Variants in CNTN5 observed in about 807,000 individuals in gnomAD.
The protein encoded by CNTN5 is contactin-5.
In CNTN5, 77 loss-of-function variants were observed where a neutral mutation model predicts 129.1. The observed-to-expected ratio is 0.60, with a 90% CI of 0.50 to 0.72. The LOEUF (loss-of-function observed/expected upper bound fraction) is 0.72, where lower values mean the gene tolerates loss of function less well. CNTN5 is among the 30% of genes least tolerant of loss of function. CNTN5 has a pLI of 0.00. For synonymous variants in CNTN5, 509 were observed against 465.6 expected, an observed-to-expected ratio of 1.09 and a Z score of -1.20; for missense variants, 1,478 against 1,328.8, an observed-to-expected ratio of 1.11 and a Z score of -1.75.
chr11:99,046,331 C>T (rs770758960), intron 1 of CNTN5, among the ~76,000 whole-genome samples: 9 of 151,974 alleles, frequency 5.9e-5, no homozygotes, highest in South Asian at 2.1e-4. Context: ...CACAGCGAGA[C>T]CCAGTCTCAA....
intron 4 of CNTN5, among the ~76,000 whole-genome samples, chr11:99,838,172 C>T (rs1947365100): frequency 6.6e-6 from 1 of 151,972 alleles, no homozygotes; most frequent in South Asian, 2.1e-4. Flanking sequence ...TATCTTCAGA[C>T]AATAATCTGT....
intron 21 of CNTN5, among the ~76,000 whole-genome samples, chr11:100,327,746 G>T (rs1951820112): frequency 6.6e-6 from 1 of 152,106 alleles, no homozygotes; most frequent in South Asian, 2.1e-4. Context: ...CGAATGGATA[G>T]TTGAATTAAC....
intron 6 of CNTN5, among the ~76,000 whole-genome samples, chr11:99,894,520 A>AG (rs1273000395): frequency 6.7e-5 from 10 of 150,348 alleles, no homozygotes; most frequent in Non-Finnish European, 7.4e-5. Flanking sequence ...AGCAGCAAAA[A>AG]AAAAAAAAAC....
chr11:100,056,721 G>A (rs936726689), intron 9 of CNTN5, among the ~76,000 whole-genome samples: 1 of 151,526 alleles, frequency 6.6e-6, no homozygotes. Flanking sequence ...AAATAAAGAG[G>A]ACATAGAGTA....
At chr11:99,453,670 C>T (rs1215817890) in intron 2 of CNTN5, among the ~76,000 whole-genome samples, 1 of 152,130 alleles carries the variant, frequency 6.6e-6, no homozygotes, top group African/African-American at 2.4e-5. Context: ...ATTTTTGCTA[C>T]CCTGAACCTG....
intron 4 of CNTN5, among the ~76,000 whole-genome samples, chr11:99,841,652 AAGG>A (rs1456081218): frequency 1.3e-5 from 2 of 151,690 alleles, no homozygotes; most frequent in African/African-American, 4.8e-5. Context: ...GAGGAGAATG[AAGG>A]AGAAGGAGAA....
chr11:100,314,840 A>T (rs149119647), intron 21 of CNTN5, among the ~76,000 whole-genome samples: 1 of 152,012 alleles, frequency 6.6e-6, no homozygotes, highest in South Asian at 2.1e-4. Context: ...TTCTGACCCT[A>T]AGTTGGCAGT....
intron 2 of CNTN5, among the ~76,000 whole-genome samples, chr11:99,469,771 T>C (rs1326786115): frequency 6.6e-6 from 1 of 152,136 alleles, no homozygotes; most frequent in East Asian, 1.9e-4. Context: ...GATTTGGAGT[T>C]GCACCTAAAT....
chr11:99,203,496 CACTT>C (rs113704525), intron 1 of CNTN5, among the ~76,000 whole-genome samples: 23,576 of 151,886 alleles, frequency 0.16, 2,007 homozygotes, highest in African/African-American at 0.23. Context: ...ATCTGAAAAA[CACTT>C]ACAGTAAATC....
intron 2 of CNTN5, among the ~76,000 whole-genome samples, chr11:99,498,426 T>C (rs1053578438): frequency 5.8e-4 from 89 of 152,262 alleles, no homozygotes; most frequent in African/African-American, 2.1e-3. Flanking sequence ...TTCCAACTAA[T>C]TTTTTTATTC....
At chr11:99,204,534 A>T (rs1474747123) in intron 1 of CNTN5, among the ~76,000 whole-genome samples, 1 of 152,202 alleles carries the variant, frequency 6.6e-6, no homozygotes. Flanking sequence ...TATAGGGAAA[A>T]TGATAACTTT....
At chr11:99,455,249 T>TACAATGAGTG (rs1944454990) in intron 2 of CNTN5, among the ~76,000 whole-genome samples, 1 of 152,128 alleles carries the variant, frequency 6.6e-6, no homozygotes, top group African/African-American at 2.4e-5. Flanking sequence ...ATAAATTAGC[T>TACAATGAGTG]ACAATGAGTG....
chr11:100,114,521 T>A (rs1945773643), intron 13 of CNTN5, among the ~76,000 whole-genome samples: 1 of 152,152 alleles, frequency 6.6e-6, no homozygotes, highest in African/African-American at 2.4e-5. Context: ...ATTTGATAGA[T>A]TATCACATTA....
At chr11:99,221,078 C>G (rs1167524128) in intron 1 of CNTN5, among the ~76,000 whole-genome samples, 4 of 151,798 alleles carry the variant, frequency 2.6e-5, no homozygotes, top group South Asian at 4.1e-4. Flanking sequence ...TTGCAGGATT[C>G]AGAATTAAGA....
intron 3 of CNTN5, among the ~76,000 whole-genome samples, chr11:99,777,727 T>C (rs575949331): frequency 6.6e-6 from 1 of 151,988 alleles, no homozygotes; most frequent in African/African-American, 2.4e-5. Flanking sequence ...GTAACAGAGT[T>C]GATTTTTAAT....
At chr11:99,175,332 A>T (rs1486766858) in intron 1 of CNTN5, among the ~76,000 whole-genome samples, 1 of 152,220 alleles carries the variant, frequency 6.6e-6, no homozygotes, top group Non-Finnish European at 1.5e-5. Context: ...AAAGGACAAC[A>T]TAGCTCTGTG....
At chr11:99,900,434 AT>A (rs1949325301) in intron 6 of CNTN5, among the ~76,000 whole-genome samples, 1 of 151,742 alleles carries the variant, frequency 6.6e-6, no homozygotes, top group Non-Finnish European at 1.5e-5. Context: ...GTTTGATAGT[AT>A]TTTGTTGAAG....
chr11:99,720,021 A>G (rs1943117493), intron 3 of CNTN5, among the ~76,000 whole-genome samples: 1 of 152,076 alleles, frequency 6.6e-6, no homozygotes, highest in African/African-American at 2.4e-5. Context: ...CAAGTTGCAA[A>G]ATTAGTAATA....
chr11:99,134,391 G>C (rs1859113594), intron 1 of CNTN5, among the ~76,000 whole-genome samples: 1 of 152,090 alleles, frequency 6.6e-6, no homozygotes. Flanking sequence ...TTCTGCACTT[G>C]CACCCTGGAA....
Sources: gnomAD v4.1 joint callset for allele counts (sites outside exome capture counted in the v4.1 genomes callset) on GRCh38, gnomAD v4.1.1 for gene constraint, MANE v1.5 for transcripts, NCBI Gene and HGNC (gene_info 2026-07-23, HGNC 2026-07-21) for gene names.